TRAK2: variants seen among roughly 807,000 people sequenced by gnomAD.
TRAK2 encodes trafficking kinesin protein 2, also known as trafficking kinesin-binding protein 2.
Under a neutral mutation model 104.6 loss-of-function variants are expected in TRAK2, and 81 were observed. That is an observed-to-expected ratio of 0.77 (90% CI 0.65 to 0.93). TRAK2 has a LOEUF of 0.93. Ranked by LOEUF, TRAK2 falls within the 40% of genes least tolerant of loss-of-function variation. The pLI is 0.00. For synonymous variants in TRAK2, 406 were observed against 394.4 expected (o/e 1.03, Z -0.35); for missense variants, 1,002 against 1,089.0 (o/e 0.92, Z 1.12).
chr2:201,391,985 C>G (rs1951452188), intron 10 of TRAK2, among the ~76,000 whole-genome samples: 1 of 152,162 alleles, frequency 6.6e-6, no homozygotes, highest in Admixed American at 6.5e-5. Context: ...GCATAAACAT[C>G]AACTTCCTGA....
At chr2:201,398,397 A>G in intron 5 of TRAK2, 43 bp from the exon 6 acceptor site, 1 of 1,539,384 alleles carries the variant, frequency 6.5e-7, no homozygotes. Flanking sequence ...TTTATTTTGC[A>G]TTATTTATAG....
intron 1 of TRAK2, among the ~76,000 whole-genome samples, chr2:201,437,045 C>A (rs1470252220): frequency 6.6e-6 from 1 of 152,156 alleles, no homozygotes; most frequent in Non-Finnish European, 1.5e-5. Flanking sequence ...TTTTTCAAAA[C>A]CAGTTGTCAC....
At position 201,389,359 on chromosome 2, in the gene TRAK2, A is replaced by C; in HGVS notation, c.1338T>G (p.Leu446=). 1 of 1,614,144 alleles carries C rather than the reference A, an allele frequency of 6.2e-7. No individual in the cohort carries two copies. Among genetic ancestry groups the C allele is most frequent in the Non-Finnish European group, 8.5e-7 (1 of 1,180,022 alleles). The change falls in exon 12 of 16, where the codon CTT becomes CTG. Residue 446 remains leucine (L), a synonymous_variant. Transcript: ENST00000332624. ...GGAGTGATTTGTCCTCTGTTTGCTG[A>C]AGACCAGACTCAAAAGGTTTTGCTG... The part of the protein sequence containing the change: ...IMTAKPFESG[L]QQTEDKSLLN...
chr2:201,410,437 A>T (rs1312819831), intron 2 of TRAK2: 1 of 599,730 alleles, frequency 1.7e-6, no homozygotes, highest in African/African-American at 1.9e-5. Flanking sequence ...TTTCTGTCAC[A>T]GAACCATTCA....
intron 2 of TRAK2, chr2:201,412,513 AAT>A (rs1576522162): frequency 1.2e-5 from 14 of 1,184,890 alleles, no homozygotes; most frequent in Middle Eastern, 2.0e-4. Context: ...ATTGCCTTCA[AAT>A]ATATGTTTCC....
intron 10 of TRAK2, among the ~76,000 whole-genome samples, chr2:201,392,085 C>T (rs1041835822): frequency 6.6e-6 from 1 of 151,864 alleles, no homozygotes; most frequent in South Asian, 2.1e-4. Context: ...TTAAGTACTA[C>T]GGGGTAATAA....
At chr2:201,407,687 G>A (rs1951607708) in intron 2 of TRAK2, 90 bp from the exon 3 acceptor site, 1 of 1,141,024 alleles carries the variant, frequency 8.8e-7, no homozygotes, top group Non-Finnish European at 1.2e-6. Context: ...TTTTTCTAAA[G>A]TAGGATAACC....
At chr2:201,389,923 TA>T (rs756604855) in intron 10 of TRAK2, 43 bp from the exon 11 acceptor site, 1 of 1,480,704 alleles carries the variant, frequency 6.8e-7, no homozygotes, top group South Asian at 1.2e-5. Flanking sequence ...TTGTTGCCCT[TA>T]AATTAACAGA....
At position 201,420,496 on chromosome 2, in the gene TRAK2, G is replaced by T. The variant is rs1353172805; in HGVS notation, c.12C>A (p.Ser4=). Residue 4 remains serine, a synonymous_variant, in exon 2 of 16, where the codon TCC becomes TCA. Coordinates refer to ENST00000332624, the MANE Select transcript of TRAK2 (RefSeq NM_015049.3). Reference sequence around the variant, plus strand: ...TTGGTGATGTAAAAATTGCATTCTGGGATTGACTCATGCAGGATCCTTTCT... The same window carrying T: ...TTGGTGATGTAAAAATTGCATTCTGTGATTGACTCATGCAGGATCCTTTCT... MSQ[S]QNAIFTSPTG... 2 of 1,613,902 alleles carry T rather than the reference G, an allele frequency of 1.2e-6. No homozygotes were observed. The highest frequency in any genetic ancestry group is 1.7e-6 in the Non-Finnish European group (2 of 1,179,844).
In TRAK2 at chr2:201,431,114, A is replaced by G. The variant is rs536458104; in HGVS notation, c.-199-10408T>C. 3.3e-5 allele frequency among the ~76,000 whole-genome samples: 5 copies of G among 152,348 alleles called. No individual in the cohort carries two copies. The South Asian group carries it at 1.0e-3, about 32-fold the overall frequency. ...AGGACTAAGAAACTGTGCTCCTGCT[A>G]ATAAAGTTTCAAGTGCCATAGAGCT... On this transcript the variant is annotated intron_variant, in intron 1 of 15. Transcript: ENST00000332624.
At chr2:201,407,646 C>A in intron 2 of TRAK2, 49 bp from the exon 3 acceptor site, 1 of 1,497,518 alleles carries the variant, frequency 6.7e-7, no homozygotes, top group South Asian at 1.3e-5. Flanking sequence ...TCAACTTTTA[C>A]TAGGCTACAG....
chr2:201,393,482 T>G (rs1951466964), intron 9 of TRAK2, among the ~76,000 whole-genome samples: 1 of 152,164 alleles, frequency 6.6e-6, no homozygotes, highest in South Asian at 2.1e-4. Flanking sequence ...TGCTCAATCC[T>G]CCTAAACAAG....
At chr2:201,438,864 T>C (rs1951898811) in intron 1 of TRAK2, among the ~76,000 whole-genome samples, 1 of 152,212 alleles carries the variant, frequency 6.6e-6, no homozygotes, top group Non-Finnish European at 1.5e-5. Context: ...TGTATGTACA[T>C]CACACAATTC....
intron 1 of TRAK2, among the ~76,000 whole-genome samples, chr2:201,442,973 T>A (rs1951937433): frequency 6.6e-6 from 1 of 152,184 alleles, no homozygotes; most frequent in Non-Finnish European, 1.5e-5. Context: ...AACTCAACAG[T>A]CCTATTCCTG....
At position 201,380,515 on chromosome 2, in the gene TRAK2, G is replaced by A. The variant is rs754303126; in HGVS notation, c.*28C>T. On this transcript the variant is annotated 3_prime_UTR_variant, in exon 16 of 16. Coordinates refer to ENST00000332624, the MANE Select transcript of TRAK2 (RefSeq NM_015049.3). ...ATATCTATCCTTCATGTGCTAACTTGTATAAAAGGTCAGTTAACTGCTGAA... is the reference window on the plus strand; with the variant it reads ...ATATCTATCCTTCATGTGCTAACTTATATAAAAGGTCAGTTAACTGCTGAA... 4 of 1,604,190 alleles carry A rather than the reference G, an allele frequency of 2.5e-6. No homozygotes were observed. The highest frequency in any genetic ancestry group is 3.4e-6 in the Non-Finnish European group (4 of 1,173,638).
At chr2:201,407,746 T>A (rs1951608022) in intron 2 of TRAK2, 149 bp from the exon 3 acceptor site, 2 of 543,544 alleles carry the variant, frequency 3.7e-6, no homozygotes, top group South Asian at 6.3e-5. Flanking sequence ...TATTAGTATA[T>A]CCTAGTAGTA....
intron 3 of TRAK2, among the ~76,000 whole-genome samples, chr2:201,406,781 A>G (rs1951598298): frequency 6.6e-6 from 1 of 152,228 alleles, no homozygotes; most frequent in Non-Finnish European, 1.5e-5. Flanking sequence ...GATCAAATGC[A>G]AAAAGGTCTC....
In TRAK2 at chr2:201,412,659, C is replaced by T. The variant is rs561572257; in HGVS notation, c.92-5062G>A. On this transcript the variant is annotated intron_variant, in intron 2 of 15. Transcript: ENST00000332624. ...GACACAATGAAGGTAAATTTGGGTC[C>T]CATTCTTTACAAGGAAATTTAGGCT... 3.2e-6 allele frequency: 5 copies of T among 1,559,826 alleles called. No homozygotes were observed. The South Asian group carries it at 4.6e-5, about 14-fold the overall frequency.
At position 201,432,317 on chromosome 2, in the gene TRAK2, T is replaced by G. The variant is rs180862003; in HGVS notation, c.-199-11611A>C. ...ACTTTGGCAAACACAAATGACACAT[T>G]TTCAGTGCCTTTCCTAGTCTGTGCA... On this transcript the variant is annotated intron_variant, in intron 1 of 15. Transcript: ENST00000332624. Among the ~76,000 whole-genome samples the G allele has an allele frequency of 7.9e-5, 12 of 152,278 alleles. No homozygotes were observed. In the South Asian group the frequency reaches 2.1e-3, roughly 26 times the overall value.
Sources: allele counts gnomAD v4.1 joint callset (sites outside exome capture counted in the v4.1 genomes callset), GRCh38; gene constraint gnomAD v4.1.1; transcripts MANE v1.5; gene names NCBI Gene and HGNC (gene_info 2026-07-23, HGNC 2026-07-21).